BASP1: variants seen among roughly 807,000 people sequenced by gnomAD.
BASP1 encodes the protein brain acid soluble protein 1.
BASP1 carries 1 observed loss-of-function variant against 2.2 expected under a neutral mutation model. The ratio of observed to expected loss-of-function variants is 0.46; its 90% CI spans 0.16 to 2.17. The LOEUF is 2.17. Among genes scored for constraint, BASP1 ranks in the 30% most tolerant of loss-of-function variants. BASP1 has a pLI of 0.27. For synonymous variants in BASP1, 187 were observed against 154.2 expected (o/e 1.21, Z -1.58); for missense variants, 352 against 327.2 (o/e 1.08, Z -0.58).
chr5:17,257,257 T>C (rs1339047101), intron 1 of BASP1, among the ~76,000 whole-genome samples: 1 of 152,182 alleles, frequency 6.6e-6, no homozygotes, highest in Admixed American at 6.5e-5. Context: ...ATCTACAGAT[T>C]ATATAACAGA....
At chr5:17,263,262 G>T (rs1432652467) in intron 1 of BASP1, among the ~76,000 whole-genome samples, 1 of 151,884 alleles carries the variant, frequency 6.6e-6, no homozygotes, top group Non-Finnish European at 1.5e-5. Flanking sequence ...ATCTTTATGG[G>T]GTACAAAGTA....
chr5:17,257,357 C>T (rs1740235138), intron 1 of BASP1, among the ~76,000 whole-genome samples: 1 of 151,990 alleles, frequency 6.6e-6, no homozygotes, highest in Non-Finnish European at 1.5e-5. Context: ...ATAATTGAAT[C>T]AATTCCTATT....
chr5:17,250,516 G>A (rs979155382), intron 1 of BASP1, among the ~76,000 whole-genome samples: 1 of 152,202 alleles, frequency 6.6e-6, no homozygotes, highest in Non-Finnish European at 1.5e-5. Flanking sequence ...ACTGGTCATT[G>A]AGAAAAGTTT....
At chr5:17,261,932 C>T (rs1218111507) in intron 1 of BASP1, among the ~76,000 whole-genome samples, 1 of 152,214 alleles carries the variant, frequency 6.6e-6, no homozygotes, top group African/African-American at 2.4e-5. Context: ...GTCTTCACTC[C>T]TTTATCGAAG....
intron 1 of BASP1, among the ~76,000 whole-genome samples, chr5:17,266,439 G>T (rs1740416047): frequency 6.6e-6 from 1 of 152,072 alleles, no homozygotes; most frequent in Non-Finnish European, 1.5e-5. Context: ...TCATCTAAGA[G>T]TAATGAATCT....
At chr5:17,259,873 C>T (rs1740282468) in intron 1 of BASP1, among the ~76,000 whole-genome samples, 1 of 152,178 alleles carries the variant, frequency 6.6e-6, no homozygotes, top group Non-Finnish European at 1.5e-5. Context: ...CTCAGCTGCT[C>T]TAAGTGTTTT....
At position 17,275,815 on chromosome 5, in the gene BASP1, A is replaced by AGGGCCCC. The variant is rs773469241; in HGVS notation, c.601_607dup (p.Ala203GlyfsTer18). 6.2e-7 allele frequency: 1 copy of AGGGCCCC among 1,612,110 alleles called. No individual in the cohort carries two copies. Among genetic ancestry groups the AGGGCCCC allele is most frequent in the Non-Finnish European group, 8.5e-7 (1 of 1,179,270 alleles). ...GCGCCTAGTTCCACACCCAAGGCCCAGGGCCCCGCAGCCTCTGCAGAAGAG... is the reference window on the plus strand; with the variant it reads ...GCGCCTAGTTCCACACCCAAGGCCCAGGGCCCCGGGCCCCGCAGCCTCTGCAGAAGAG... On this transcript the variant is annotated frameshift_variant, in exon 2 of 2. Transcript: ENST00000322611. LOFTEE classifies it high-confidence loss of function. The surrounding 1 kb of genome is among the most constrained non-coding windows in gnomAD (Gnocchi z 5.3).
chr5:17,237,217 G>T (rs891996549), intron 1 of BASP1, among the ~76,000 whole-genome samples: 4 of 152,114 alleles, frequency 2.6e-5, no homozygotes, highest in African/African-American at 9.7e-5. Flanking sequence ...GGTGGTGGGC[G>T]CCTGTAGTCC....
chr5:17,241,389 T>C (rs1193274758), intron 1 of BASP1, among the ~76,000 whole-genome samples: 1 of 152,156 alleles, frequency 6.6e-6, no homozygotes, highest in Non-Finnish European at 1.5e-5. Context: ...AGTGAACCAC[T>C]GCGCCTGGCC....
chr5:17,226,163 T>C (rs1457748337), intron 1 of BASP1, among the ~76,000 whole-genome samples: 1 of 152,254 alleles, frequency 6.6e-6, no homozygotes, highest in Non-Finnish European at 1.5e-5. Context: ...TTCATAATGC[T>C]TTTAATTATT....
At chr5:17,218,607 C>CGGGGGGTGT (rs1739319341) in intron 1 of BASP1, among the ~76,000 whole-genome samples, 1 of 151,990 alleles carries the variant, frequency 6.6e-6, no homozygotes, top group Non-Finnish European at 1.5e-5. Context: ...GGCCCGGGCC[C>CGGGGGGTGT]GGGGGGTGTG....
intron 1 of BASP1, among the ~76,000 whole-genome samples, chr5:17,232,695 C>G (rs549685869): frequency 1.3e-5 from 2 of 152,216 alleles, no homozygotes; most frequent in South Asian, 2.1e-4. Flanking sequence ...GAACCTTTGG[C>G]AAACATCACC....
intron 1 of BASP1, among the ~76,000 whole-genome samples, chr5:17,272,653 C>T (rs1387592729): frequency 3.9e-5 from 6 of 152,252 alleles, no homozygotes; most frequent in Admixed American, 6.5e-5. Flanking sequence ...CCTCTGATAC[C>T]TCAATATAAC....
intron 1 of BASP1, among the ~76,000 whole-genome samples, chr5:17,253,249 C>T (rs1290279822): frequency 6.6e-6 from 1 of 152,144 alleles, no homozygotes; most frequent in Non-Finnish European, 1.5e-5. Flanking sequence ...CTCACTCTGT[C>T]ACTCAGGCTG....
At chr5:17,261,217 A>G (rs1350532186) in intron 1 of BASP1, among the ~76,000 whole-genome samples, 1 of 152,162 alleles carries the variant, frequency 6.6e-6, no homozygotes, top group African/African-American at 2.4e-5. Context: ...CTGACTGTGC[A>G]TTTCCTTATC....
intron 1 of BASP1, among the ~76,000 whole-genome samples, chr5:17,223,009 A>G (rs1278462285): frequency 6.7e-6 from 1 of 150,182 alleles, no homozygotes; most frequent in Non-Finnish European, 1.5e-5. Context: ...TTATCACTTA[A>G]GCATTTTATA....
chr5:17,276,278 A>T lies in BASP1; in HGVS notation c.*378A>T, dbSNP rs538971814. ...ACTCCTCCACCGCTGAGAGTTGAAT[A>T]GCTTTTCTTCTGCAATGGGAGTTGG... is the stretch of plus-strand genomic sequence containing the variant. On this transcript the variant is annotated 3_prime_UTR_variant, in exon 2 of 2. Coordinates refer to ENST00000322611, the MANE Select transcript of BASP1 (RefSeq NM_006317.5). The T allele has an allele frequency of 5.5e-6, 1 of 181,770 alleles. No individual in the cohort carries two copies. Among genetic ancestry groups the T allele is most frequent in the South Asian group, 2.0e-4 (1 of 4,996 alleles). The allele number at this position is 181,770 out of a possible 1,614,324, so 11.3% of individuals were successfully genotyped here. A position where few individuals can be genotyped will look rare whatever the true frequency, so the allele number is the denominator to read the frequency against.
At chr5:17,271,128 CTT>C (rs944115901) in intron 1 of BASP1, among the ~76,000 whole-genome samples, 2 of 152,026 alleles carry the variant, frequency 1.3e-5, no homozygotes, top group Non-Finnish European at 2.9e-5. Flanking sequence ...TTTTTGTTTG[CTT>C]TTTGTTTTTT....
Position 17,262,590 on chromosome 5 carries a change from A to T in BASP1, c.-9-12618A>T, listed in dbSNP as rs1296126166. 3.3e-5 allele frequency among the ~76,000 whole-genome samples: 5 copies of T among 152,324 alleles called. No individual in the cohort carries two copies. In the East Asian group the frequency reaches 9.6e-4, roughly 29 times the overall value. ...CAAAACAGTCTTATGCTGAGTGTATATGAATAAGTATTTTTTATATTTCTA... is the reference window on the plus strand; with the variant it reads ...CAAAACAGTCTTATGCTGAGTGTATTTGAATAAGTATTTTTTATATTTCTA... On this transcript the variant is annotated intron_variant, in intron 1 of 1. Coordinates refer to ENST00000322611, the MANE Select transcript of BASP1 (RefSeq NM_006317.5).
Sources: allele counts gnomAD v4.1 joint callset (sites outside exome capture counted in the v4.1 genomes callset), GRCh38; gene constraint gnomAD v4.1.1; non-coding constraint Gnocchi (gnomAD v3.1); transcripts MANE v1.5; gene names NCBI Gene and HGNC (gene_info 2026-07-23, HGNC 2026-07-21).